The following ARID1B variants were observed in gnomAD, a reference collection of about 807,000 sequenced individuals.
The protein encoded by ARID1B is AT-rich interaction domain 1B.
ARID1B carries 30 observed loss-of-function variants against 212.3 expected under a neutral mutation model. The observed-to-expected ratio is 0.14, with a 90% CI of 0.11 to 0.19. The LOEUF is 0.19. ARID1B is among the 10% of genes least tolerant of loss of function. ARID1B has a pLI of 1.00. For missense variants in ARID1B, 2,891 were observed against 3,204.0 expected (o/e 0.90, Z 2.36); for synonymous variants, 1,402 against 1,301.7 (o/e 1.08, Z -1.66).
chr6:156,930,773 T>G (rs1003063183), intron 3 of ARID1B, among the ~76,000 whole-genome samples: 9 of 151,892 alleles, frequency 5.9e-5, no homozygotes, highest in Non-Finnish European at 1.2e-4. Context: ...CTACAATATA[T>G]TAAGAGGCTG....
chr6:156,901,687 T>A, intron 3 of ARID1B, 162 bp downstream of exon 3: 1 of 901,418 alleles, frequency 1.1e-6, no homozygotes, highest in Non-Finnish European at 1.6e-6. Flanking sequence ...CATCTCTCCC[T>A]CCGTCTTTTC....
chr6:156,989,447 G>A (rs946696298), intron 4 of ARID1B, among the ~76,000 whole-genome samples: 1 of 152,150 alleles, frequency 6.6e-6, no homozygotes, highest in East Asian at 1.9e-4. Flanking sequence ...AAAGTTTTGG[G>A]AATTCGTCAT....
chr6:157,176,234 C>T (rs967779343), intron 11 of ARID1B, among the ~76,000 whole-genome samples: 1 of 152,118 alleles, frequency 6.6e-6, no homozygotes, highest in African/African-American at 2.4e-5. Flanking sequence ...AAAGAGAAAG[C>T]GCTTCTAGGA....
At chr6:156,960,652 C>T (rs1188949112) in intron 4 of ARID1B, among the ~76,000 whole-genome samples, 1 of 152,096 alleles carries the variant, frequency 6.6e-6, no homozygotes, top group African/African-American at 2.4e-5. Flanking sequence ...CACTACTAGT[C>T]TTTGTATTTC....
intron 2 of ARID1B, among the ~76,000 whole-genome samples, chr6:156,830,302 T>C (rs1005440724): frequency 6.6e-5 from 10 of 152,234 alleles, no homozygotes; most frequent in African/African-American, 2.4e-4. Context: ...CACGTTTTAC[T>C]GCCCCAGGCT....
At chr6:156,818,435 A>C (rs1400846830) in intron 1 of ARID1B, among the ~76,000 whole-genome samples, 2 of 152,182 alleles carry the variant, frequency 1.3e-5, no homozygotes, top group East Asian at 1.9e-4. Flanking sequence ...GCATGGTAGC[A>C]ACCATAGGGA....
chr6:157,199,677 T>C (rs1382317190), intron 17 of ARID1B, among the ~76,000 whole-genome samples: 1 of 151,916 alleles, frequency 6.6e-6, no homozygotes, highest in Non-Finnish European at 1.5e-5. Flanking sequence ...GGAATTGCTT[T>C]TTTTCTTTTT....
At chr6:157,037,411 C>A (rs1213068751) in intron 4 of ARID1B, among the ~76,000 whole-genome samples, 2 of 152,064 alleles carry the variant, frequency 1.3e-5, no homozygotes, top group African/African-American at 4.8e-5. Flanking sequence ...AAGAAACATG[C>A]CAGAGGCTGC....
At chr6:157,040,397 A>G (rs949493841) in intron 4 of ARID1B, among the ~76,000 whole-genome samples, 26 of 152,230 alleles carry the variant, frequency 1.7e-4, no homozygotes, top group Non-Finnish European at 8.8e-5. Flanking sequence ...AATGCACAGA[A>G]CATTTCTGAG....
intron 3 of ARID1B, among the ~76,000 whole-genome samples, chr6:156,912,272 T>C (rs1019309064): frequency 8.8e-6 from 1 of 113,898 alleles, no homozygotes; most frequent in Non-Finnish European, 1.9e-5. Flanking sequence ...TTTTTTTTTT[T>C]GTTTAACTGT....
intron 4 of ARID1B, among the ~76,000 whole-genome samples, chr6:157,052,644 A>G (rs1782685262): frequency 6.6e-6 from 1 of 152,264 alleles, no homozygotes; most frequent in South Asian, 2.1e-4. Context: ...CTTTGCCTCA[A>G]AGAATTTAAG....
intron 4 of ARID1B, among the ~76,000 whole-genome samples, chr6:156,982,398 G>A (rs1044088216): frequency 2.0e-5 from 3 of 149,472 alleles, no homozygotes; most frequent in Non-Finnish European, 3.0e-5. Flanking sequence ...TGTGATGCCC[G>A]AAATAGTGCT....
At chr6:156,950,313 C>T (rs1793486352) in intron 4 of ARID1B, among the ~76,000 whole-genome samples, 1 of 152,194 alleles carries the variant, frequency 6.6e-6, no homozygotes, top group African/African-American at 2.4e-5. Context: ...CACCATATAA[C>T]CGTAATAGGA....
At chr6:156,996,734 TATTAA>T in intron 4 of ARID1B, among the ~76,000 whole-genome samples, 1 of 152,316 alleles carries the variant, frequency 6.6e-6, no homozygotes, top group African/African-American at 2.4e-5. Context: ...TAATACCTCA[TATTAA>T]ATTAGATTTT....
chr6:157,049,451 G>A (rs1461505142), intron 4 of ARID1B, among the ~76,000 whole-genome samples: 5 of 152,146 alleles, frequency 3.3e-5, no homozygotes, highest in Non-Finnish European at 5.9e-5. Context: ...TGAAATCGGC[G>A]TAGAGGAAGT....
At chr6:156,860,567 G>A (rs772798192) in intron 2 of ARID1B, among the ~76,000 whole-genome samples, 45 of 152,096 alleles carry the variant, frequency 3.0e-4, no homozygotes, top group Non-Finnish European at 6.3e-4. Flanking sequence ...TGATCTTTCT[G>A]CGAGTTAATT....
At chr6:157,131,748 G>A (rs1198789614) in intron 6 of ARID1B, among the ~76,000 whole-genome samples, 1 of 152,044 alleles carries the variant, frequency 6.6e-6, no homozygotes, top group Non-Finnish European at 1.5e-5. Flanking sequence ...TGGAGTGCAG[G>A]GGTGCCATCT....
intron 6 of ARID1B, among the ~76,000 whole-genome samples, chr6:157,112,042 G>C (rs1383622773): frequency 6.6e-6 from 1 of 152,138 alleles, no homozygotes; most frequent in Non-Finnish European, 1.5e-5. Flanking sequence ...ACAATAATAG[G>C]TTTTTGAGGT....
rs1028207929 is a variant in ARID1B, at chr6:157,148,427, G to A, written c.2762-197G>A. The stretch of plus-strand genomic sequence containing the variant: ...GTCCTCTGGGGCTGTCTGTATTTGA[G>A]TCACTCTCTGAGGGCCTGGGAGTGT... On this transcript the variant is annotated intron_variant, in intron 7 of 19. Transcript: ENST00000636930. This position sits in a 1 kb window ranked among gnomAD's most constrained non-coding sequence, Gnocchi z 5.6. 6.6e-6 allele frequency among the ~76,000 whole-genome samples: 1 copy of A among 152,148 alleles called. No individual in the cohort carries two copies. The highest frequency in any genetic ancestry group is 2.4e-5 in the African/African-American group (1 of 41,432).
Sources: allele counts gnomAD v4.1 joint callset (sites outside exome capture counted in the v4.1 genomes callset), GRCh38; gene constraint gnomAD v4.1.1; non-coding constraint Gnocchi (gnomAD v3.1); transcripts MANE v1.5; gene names NCBI Gene and HGNC (gene_info 2026-07-23, HGNC 2026-07-21).